The following FSHR variants were observed in gnomAD, a reference collection of about 807,000 sequenced individuals.
FSHR encodes the protein follicle stimulating hormone receptor.
FSHR carries 46 observed loss-of-function variants against 52.1 expected under a neutral mutation model. The observed-to-expected ratio is 0.88, with a 90% CI of 0.70 to 1.13. The LOEUF (loss-of-function observed/expected upper bound fraction) is 1.13. Among genes scored for constraint, FSHR ranks in the 50% most tolerant of loss-of-function variants. The probability of loss-of-function intolerance (pLI) is 0.00; values close to 1 mark genes in which losing one functional copy is unlikely to be tolerated. For missense variants in FSHR, 964 were observed against 834.6 expected (o/e 1.16, Z -1.91); for synonymous variants, 399 against 309.6 (o/e 1.29, Z -3.03).
intron 4 of FSHR, chr2:49,014,549 C>T: frequency 5.3e-6 from 1 of 187,602 alleles, no homozygotes; most frequent in Non-Finnish European, 1.1e-5. Context: ...CAAGTATCTC[C>T]CCTGCCCTCA....
Position 49,017,518 on chromosome 2 carries a change from G to C in FSHR, c.345C>G (p.Ala115=). 1 of 1,613,518 alleles carries C rather than the reference G, an allele frequency of 6.2e-7. No homozygotes were observed. The highest frequency in any genetic ancestry group is 8.5e-7 in the Non-Finnish European group (1 of 1,179,648). ...ANNLLYINPE[A]FQNLPNLQYL... Reference sequence around the variant, plus strand: ...ATTGAAGGTTGGGAAGGTTCTGGAAGGCCTCAGGGTTGATGTAGAGCAGGT... The same window carrying C: ...ATTGAAGGTTGGGAAGGTTCTGGAACGCCTCAGGGTTGATGTAGAGCAGGT... Residue 115 remains alanine, a synonymous_variant, in exon 4 of 10, where the codon GCC becomes GCG. Transcript: ENST00000406846.
At chr2:49,071,603 G>T (rs1433734339) in intron 1 of FSHR, among the ~76,000 whole-genome samples, 1 of 152,158 alleles carries the variant, frequency 6.6e-6, no homozygotes, top group African/African-American at 2.4e-5. Context: ...TATTGAATAG[G>T]TGAATGTTTT....
At chr2:48,976,293 G>A (rs1021736515) in intron 8 of FSHR, among the ~76,000 whole-genome samples, 1 of 152,166 alleles carries the variant, frequency 6.6e-6, no homozygotes, top group African/African-American at 2.4e-5. Flanking sequence ...TATGTTTATT[G>A]ATTTGTGTAT....
chr2:49,043,750 C>T (rs558959983), intron 2 of FSHR, among the ~76,000 whole-genome samples: 33 of 152,178 alleles, frequency 2.2e-4, no homozygotes, highest in Non-Finnish European at 4.7e-4. Flanking sequence ...ATTCAGAGCT[C>T]AGTGGGAGCC....
intron 1 of FSHR, among the ~76,000 whole-genome samples, chr2:49,140,916 C>A (rs151313129): frequency 5.3e-4 from 81 of 152,304 alleles, no homozygotes; most frequent in African/African-American, 1.9e-3. Context: ...TCCATTTTCA[C>A]ATGGCATTCA....
At chr2:49,084,253 C>T (rs1324549323) in intron 1 of FSHR, among the ~76,000 whole-genome samples, 1 of 151,952 alleles carries the variant, frequency 6.6e-6, no homozygotes, top group Non-Finnish European at 1.5e-5. Context: ...CTACTGGGTA[C>T]ATAACGAAAT....
intron 1 of FSHR, among the ~76,000 whole-genome samples, chr2:49,081,551 C>G (rs1332911009): frequency 1.3e-5 from 2 of 152,148 alleles, no homozygotes; most frequent in Admixed American, 1.3e-4. Context: ...TTTTAAACAG[C>G]TATTTAAAAG....
rs552594579 is a variant in FSHR, at chr2:49,079,509, G to A, written c.153-11219C>T. 7.2e-5 allele frequency among the ~76,000 whole-genome samples: 11 copies of A among 152,182 alleles called. No individual in the cohort carries two copies. In the South Asian group the frequency reaches 1.5e-3, roughly 20 times the overall value. On this transcript the variant is annotated intron_variant, in intron 1 of 9. Coordinates refer to ENST00000406846, the MANE Select transcript of FSHR (RefSeq NM_000145.4). ...AGGAAATATGATTTTTCTAAAGTTAGAGTGATTAAAATATTATGATATCGA... is the reference window on the plus strand; with the variant it reads ...AGGAAATATGATTTTTCTAAAGTTAAAGTGATTAAAATATTATGATATCGA...
At chr2:48,982,196 A>G (rs367770009) in intron 8 of FSHR, among the ~76,000 whole-genome samples, 8 of 152,204 alleles carry the variant, frequency 5.3e-5, no homozygotes, top group African/African-American at 1.9e-4. Flanking sequence ...AGGTTGTCAG[A>G]GAGACTTGAG....
intron 8 of FSHR, among the ~76,000 whole-genome samples, chr2:48,979,674 G>T (rs142360002): frequency 6.6e-6 from 1 of 152,292 alleles, no homozygotes; most frequent in East Asian, 1.9e-4. Context: ...CTTAACTCCA[G>T]ATCTCCCCAT....
At chr2:49,114,987 G>T (rs185943269) in intron 1 of FSHR, among the ~76,000 whole-genome samples, 4 of 151,810 alleles carry the variant, frequency 2.6e-5, no homozygotes, top group Admixed American at 1.3e-4. Context: ...AAACCATTTG[G>T]TTGAAAAGTT....
Position 49,051,418 on chromosome 2 carries a change from T to A in FSHR, c.224+16801A>T, listed in dbSNP as rs79319543. ...ATAGTATTTCATTATGGTTTTAAAT[T>A]GCATTTTGCTAATGACTAATGATGA... On this transcript the variant is annotated intron_variant, in intron 2 of 9. Transcript: ENST00000406846. 9.5e-3 allele frequency among the ~76,000 whole-genome samples: 1,444 copies of A among 152,256 alleles called. 20 individuals are homozygous for A. The highest frequency in any genetic ancestry group is 0.034 in the African/African-American group (1,393 of 41,558).
At chr2:48,976,918 C>T (rs1480187416) in intron 8 of FSHR, among the ~76,000 whole-genome samples, 2 of 151,862 alleles carry the variant, frequency 1.3e-5, no homozygotes, top group Admixed American at 6.6e-5. Context: ...TTTTGTTATT[C>T]TCTTCCAAAA....
At chr2:49,082,505 T>C (rs575552137) in intron 1 of FSHR, among the ~76,000 whole-genome samples, 1 of 152,254 alleles carries the variant, frequency 6.6e-6, no homozygotes, top group South Asian at 2.1e-4. Flanking sequence ...AGAATGAATT[T>C]GACGAGCTGA....
intron 2 of FSHR, among the ~76,000 whole-genome samples, chr2:49,040,264 G>T (rs143973908): frequency 5.1e-4 from 77 of 152,262 alleles, no homozygotes; most frequent in African/African-American, 1.8e-3. Context: ...TTGTGAGATG[G>T]TTAGACCAGC....
At chr2:49,124,147 C>A (rs983374739) in intron 1 of FSHR, among the ~76,000 whole-genome samples, 6 of 142,828 alleles carry the variant, frequency 4.2e-5, no homozygotes, top group Admixed American at 3.6e-4. Context: ...CACCCACCAC[C>A]ACGTCCGGCT....
At chr2:48,982,407 T>C (rs945367814) in intron 8 of FSHR, among the ~76,000 whole-genome samples, 7 of 152,172 alleles carry the variant, frequency 4.6e-5, no homozygotes, top group Non-Finnish European at 4.4e-5. Flanking sequence ...ATAGGTCTCA[T>C]TGGGTTGAAG....
chr2:48,964,136 G>T (rs1162606089), intron 9 of FSHR, among the ~76,000 whole-genome samples, 170 bp from the exon 10 acceptor site: 2 of 151,362 alleles, frequency 1.3e-5, no homozygotes, highest in Admixed American at 6.6e-5. Context: ...GCTGCTTACT[G>T]TAAATGAATA....
At chr2:49,020,922 A>C (rs778200165) in intron 2 of FSHR, among the ~76,000 whole-genome samples, 1 of 152,272 alleles carries the variant, frequency 6.6e-6, no homozygotes, top group South Asian at 2.1e-4. Context: ...GGAACAACAC[A>C]CACTGGGGCC....
Sources: gnomAD v4.1 joint callset for allele counts (sites outside exome capture counted in the v4.1 genomes callset) on GRCh38, gnomAD v4.1.1 for gene constraint, MANE v1.5 for transcripts, NCBI Gene and HGNC (gene_info 2026-07-23, HGNC 2026-07-21) for gene names.